The following MAP3K1 variants were observed in gnomAD, a reference collection of about 807,000 sequenced individuals.
MAP3K1 encodes MAP/ERK kinase kinase 1.
Under a neutral mutation model 144.2 loss-of-function variants are expected in MAP3K1, and 36 were observed. The observed-to-expected ratio is 0.25, with a 90% confidence interval of 0.19 to 0.33. The LOEUF is 0.33. Among genes scored for constraint, MAP3K1 ranks in the 10% least tolerant of loss-of-function variants. The pLI is 1.00. For missense variants in MAP3K1, 1,650 were observed against 1,881.9 expected, an observed-to-expected ratio of 0.88 and a Z score of 2.28; for synonymous variants, 718 against 688.7, an observed-to-expected ratio of 1.04 and a Z score of -0.67.
intron 2 of MAP3K1, among the ~76,000 whole-genome samples, chr5:56,859,345 A>G (rs546602245): frequency 6.6e-6 from 1 of 152,318 alleles, no homozygotes; most frequent in East Asian, 1.9e-4. Flanking sequence ...AGTTGACTGT[A>G]GAAGTTATGA....
intron 2 of MAP3K1, 117 bp downstream of exon 2, chr5:56,856,867 T>C: frequency 1.8e-6 from 2 of 1,101,614 alleles, no homozygotes; most frequent in Non-Finnish European, 2.7e-6. Context: ...AGTAGTTTTC[T>C]TTACTTGATA....
At chr5:56,850,453 C>G (rs1442174520) in intron 1 of MAP3K1, among the ~76,000 whole-genome samples, 1 of 152,150 alleles carries the variant, frequency 6.6e-6, no homozygotes, top group African/African-American at 2.4e-5. Context: ...GTGAAATGCT[C>G]TAATAATGAA....
rs547527151 is a variant in MAP3K1, at chr5:56,881,367, A to T, written c.2369+95A>T. ...CATTTTAGATTTTTGAAAGACTCAG[A>T]GCATGAATAGGTTGCTGATACCTTA... is the stretch of plus-strand genomic sequence containing the variant. On this transcript the variant is annotated intron_variant, in intron 13 of 19. Coordinates refer to ENST00000399503, the MANE Select transcript of MAP3K1 (RefSeq NM_005921.2). The T allele has an allele frequency of 1.3e-5, 15 of 1,144,202 alleles. 1 individual carries two copies. In the Admixed American group the frequency reaches 2.7e-4, roughly 20 times the overall value. 70.9% of individuals were successfully genotyped at this position (1,144,202 alleles called of 1,614,324 possible). A position where few individuals can be genotyped will look rare whatever the true frequency, so the allele number is the denominator to read the frequency against.
chr5:56,895,874 C>CT lies in MAP3K1; in HGVS notation c.*2197dup, dbSNP rs1485048955. 3 of 228,388 alleles carry CT rather than the reference C, an allele frequency of 1.3e-5. No homozygotes were observed. Among genetic ancestry groups the CT allele is most frequent in the Non-Finnish European group, 2.6e-5 (3 of 115,990 alleles). 14.1% of individuals were successfully genotyped at this position (228,388 alleles called of 1,614,324 possible). ...TAGATTTTTCTTCTACCAAAGTTCA[C>CT]TTTCACAATGAAATTATATTTGCTG... On this transcript the variant is annotated 3_prime_UTR_variant, in exon 20 of 20. Transcript: ENST00000399503.
chr5:56,829,263 C>T (rs1246186232), intron 1 of MAP3K1, among the ~76,000 whole-genome samples: 1 of 151,388 alleles, frequency 6.6e-6, no homozygotes, highest in East Asian at 1.9e-4. Context: ...CTCACTGCAG[C>T]GTCAACCTTA....
intron 19 of MAP3K1, among the ~76,000 whole-genome samples, chr5:56,889,566 A>G (rs1345275413): frequency 6.6e-6 from 1 of 152,038 alleles, no homozygotes; most frequent in Non-Finnish European, 1.5e-5. Flanking sequence ...CTCCTTTTCC[A>G]CCATAGAATA....
At chr5:56,844,191 T>G (rs1484820536) in intron 1 of MAP3K1, among the ~76,000 whole-genome samples, 4 of 133,842 alleles carry the variant, frequency 3.0e-5, no homozygotes, top group African/African-American at 8.4e-5. Context: ...TGGTTTTTTT[T>G]TTTTTTTTTT....
Position 56,894,663 on chromosome 5 carries a change from C to T in MAP3K1, c.*983C>T, listed in dbSNP as rs1271707379. ...GAAACTTCACAACATTTAAGTCTTA[C>T]TCTGTATGTAACAATCCATCATTCA... On this transcript the variant is annotated 3_prime_UTR_variant, in exon 20 of 20. Coordinates refer to ENST00000399503, the MANE Select transcript of MAP3K1 (RefSeq NM_005921.2). 1 of 232,224 alleles carries T rather than the reference C, an allele frequency of 4.3e-6. No homozygotes were observed. The highest frequency in any genetic ancestry group is 6.1e-5 in the East Asian group (1 of 16,408). The allele number at this position is 232,224 out of a possible 1,614,324, so 14.4% of individuals were successfully genotyped here.
Position 56,864,758 on chromosome 5 carries a change from C to T in MAP3K1, c.859C>T (p.Pro287Ser), listed in dbSNP as rs773132336. 1 of 1,613,952 alleles carries T rather than the reference C, an allele frequency of 6.2e-7. No individual in the cohort carries two copies. Among genetic ancestry groups the T allele is most frequent in the African/African-American group, 1.3e-5 (1 of 74,888 alleles). ...VPFQSGRITP[P>S]RRAPSPDGFS... ...GTTTCAGAGTGGCAGAATCACACCA[C>T]CCCGAAGAGCCCCTTCACCAGATGG... Residue 287 changes from proline to serine, a missense_variant, in exon 4 of 20, where the codon CCC becomes TCC. Pro to Ser is a moderately conservative substitution (Grantham distance 74). This residue lies in a region of MAP3K1 where 148 missense variants were observed against 177.2 expected (regional missense o/e 0.84). Transcript: ENST00000399503.
Position 56,883,570 on chromosome 5 carries a change from A to G in MAP3K1, c.3710A>G (p.Tyr1237Cys). 1 of 1,614,128 alleles carries G rather than the reference A, an allele frequency of 6.2e-7. No homozygotes were observed. Among genetic ancestry groups the G allele is most frequent in the Non-Finnish European group, 8.5e-7 (1 of 1,179,986 alleles). The change falls in exon 15 of 20, where the codon TAT (tyrosine) becomes TGT (cysteine). Residue 1237 changes from tyrosine (Y) to cysteine (C), a missense_variant. Coordinates refer to ENST00000399503, the MANE Select transcript of MAP3K1 (RefSeq NM_005921.2). ...LPGHTKAKQP[Y>C]REDTEWLKGQ... ...GGACATACCAAAGCAAAACAACCGT[A>G]TAGAGAAGACACTGAATGGCTGAAA...
intron 1 of MAP3K1, among the ~76,000 whole-genome samples, chr5:56,835,552 T>C (rs1264041606): frequency 1.3e-5 from 2 of 151,748 alleles, no homozygotes; most frequent in Non-Finnish European, 2.9e-5. Flanking sequence ...CGTGGGTTAA[T>C]GGAGTGATGG....
At position 56,889,254 on chromosome 5, in the gene MAP3K1, C is replaced by T. The variant is rs934248124; in HGVS notation, c.4389+897C>T. Among the ~76,000 whole-genome samples the T allele has an allele frequency of 9.2e-5, 14 of 152,158 alleles. 1 individual carries two copies. The highest frequency in any genetic ancestry group is 5.9e-4 in the Admixed American group (9 of 15,270). On this transcript the variant is annotated intron_variant, in intron 19 of 19. Transcript: ENST00000399503. Reference sequence around the variant, plus strand: ...CACGATCTCAGCTCACTATAGCCTCCGCTTCCCAGGTTCAGGCAGTTCTCC... The same window carrying T: ...CACGATCTCAGCTCACTATAGCCTCTGCTTCCCAGGTTCAGGCAGTTCTCC...
Position 56,872,713 on chromosome 5 carries a change from A to G in MAP3K1, c.1496A>G (p.Asp499Gly). 6.2e-7 allele frequency: 1 copy of G among 1,603,250 alleles called. No homozygotes were observed. Among genetic ancestry groups the G allele is most frequent in the Non-Finnish European group, 8.5e-7 (1 of 1,170,652 alleles). Residue 499 changes from aspartate (D) to glycine (G), a missense_variant, in exon 8 of 20, where the codon GAT becomes GGT. By Grantham distance (94) the Asp-to-Gly change is moderately conservative. Coordinates refer to ENST00000399503, the MANE Select transcript of MAP3K1 (RefSeq NM_005921.2). ...TGTAGATCTAAGTGGAGATCTCATG[A>G]TTTCTACAGGTAATAATTTTGAAAT... ...PLCRSKWRSH[D>G]FYSHELSSPV...
Position 56,866,050 on chromosome 5 carries a change from A to C in MAP3K1, c.1301+73A>C, listed in dbSNP as rs1159938992. The C allele has an allele frequency of 1.7e-5, 20 of 1,162,650 alleles. No individual in the cohort carries two copies. In the East Asian group the frequency reaches 4.7e-4, roughly 27 times the overall value. 72.0% of individuals were successfully genotyped at this position (1,162,650 alleles called of 1,614,324 possible). A position where few individuals can be genotyped will look rare whatever the true frequency, so the allele number is the denominator to read the frequency against. On this transcript the variant is annotated intron_variant, in intron 6 of 19. Transcript: ENST00000399503. ...ATTTTAGGGGTAATTTTTTATATCTACTTGTTAAGTTGCTCTAAAATGATT... is the reference window on the plus strand; with the variant it reads ...ATTTTAGGGGTAATTTTTTATATCTCCTTGTTAAGTTGCTCTAAAATGATT...
chr5:56,876,947 C>G (rs1748051396), intron 10 of MAP3K1, among the ~76,000 whole-genome samples: 1 of 152,102 alleles, frequency 6.6e-6, no homozygotes, highest in Non-Finnish European at 1.5e-5. Flanking sequence ...GTGAAAAGTT[C>G]CCTGAAGAAA....
chr5:56,861,081 G>T (rs1747493849), intron 3 of MAP3K1, among the ~76,000 whole-genome samples: 1 of 152,016 alleles, frequency 6.6e-6, no homozygotes, highest in Non-Finnish European at 1.5e-5. Context: ...GTAACTTAAG[G>T]AACCAATATT....
chr5:56,815,960 G>C lies in MAP3K1; in HGVS notation c.387G>C (p.Ala129=). The change falls in exon 1 of 20, where the codon GCG becomes GCC. Residue 129 remains alanine, a synonymous_variant. Transcript: ENST00000399503. ...GCGCCCACCTTACCGAGTCGGTGGCGGCGCCGGACAGCGGCGCCTCGAGTC... is the reference window on the plus strand; with the variant it reads ...GCGCCCACCTTACCGAGTCGGTGGCCGCGCCGGACAGCGGCGCCTCGAGTC... ...RGGAHLTESV[A]APDSGASSPA... The C allele has an allele frequency of 8.0e-7, 1 of 1,257,116 alleles. No homozygotes were observed. Among genetic ancestry groups the C allele is most frequent in the Non-Finnish European group, 1.0e-6 (1 of 1,002,452 alleles). 77.9% of individuals were successfully genotyped at this position (1,257,116 alleles called of 1,614,324 possible). A position where few individuals can be genotyped will look rare whatever the true frequency, so the allele number is the denominator to read the frequency against.
chr5:56,848,845 A>G (rs1338739952), intron 1 of MAP3K1, among the ~76,000 whole-genome samples: 1 of 152,156 alleles, frequency 6.6e-6, no homozygotes. Context: ...AACTGCTTAT[A>G]TGTCTTGTTT....
intron 11 of MAP3K1, among the ~76,000 whole-genome samples, chr5:56,879,550 T>C (rs1748143769): frequency 7.5e-6 from 1 of 133,874 alleles, no homozygotes; most frequent in African/African-American, 3.0e-5. Context: ...TTTACTCTAC[T>C]TATGACAGTT....
Sources: gnomAD v4.1 joint callset for allele counts (sites outside exome capture counted in the v4.1 genomes callset) on GRCh38, gnomAD v4.1.1 for gene constraint, gnomAD v4.1.1 regional missense constraint, MANE v1.5 for transcripts, NCBI Gene and HGNC (gene_info 2026-07-23, HGNC 2026-07-21) for gene names.